The following RPS6KA1 variants were observed in gnomAD, a reference collection of about 807,000 sequenced individuals.
RPS6KA1 encodes ribosomal protein S6 kinase A1.
RPS6KA1 carries 48 observed loss-of-function variants against 91.3 expected under a neutral mutation model. That is an observed-to-expected ratio of 0.53 (90% CI 0.42 to 0.67). RPS6KA1 has a LOEUF of 0.67. Among genes scored for constraint, RPS6KA1 ranks in the 30% least tolerant of loss-of-function variants. The pLI is 0.00. For synonymous variants in RPS6KA1, 359 were observed against 384.7 expected, an observed-to-expected ratio of 0.93 and a Z score of 0.78; for missense variants, 719 against 960.5, an observed-to-expected ratio of 0.75 and a Z score of 3.32.
rs552585394 is a variant in RPS6KA1, at chr1:26,562,899, C to T, written c.1590+1236C>T. 1.5e-3 allele frequency among the ~76,000 whole-genome samples: 196 copies of T among 131,386 alleles called. 2 individuals are homozygous for T. Among genetic ancestry groups the T allele is most frequent in the Middle Eastern group, 4.8e-3 (1 of 210 alleles). 86.2% of individuals were successfully genotyped at this position (131,386 alleles called of 152,430 possible). A position where few individuals can be genotyped will look rare whatever the true frequency, so the allele number is the denominator to read the frequency against. On this transcript the variant is annotated intron_variant, in intron 17 of 21. Coordinates refer to ENST00000374168, the MANE Select transcript of RPS6KA1 (RefSeq NM_002953.4). ...TCGCCCAGGCTGGAGTGCAGTGGCACGATCTTGGCTCACTGCAACCTCTGC... is the reference window on the plus strand; with the variant it reads ...TCGCCCAGGCTGGAGTGCAGTGGCATGATCTTGGCTCACTGCAACCTCTGC...
intron 2 of RPS6KA1, chr1:26,545,816 G>T: frequency 7.0e-7 from 1 of 1,436,584 alleles, no homozygotes; most frequent in Non-Finnish European, 9.1e-7. Context: ...CCCTTACCCT[G>T]CACATCCGCC....
chr1:26,574,104 C>T lies in RPS6KA1; in HGVS notation c.2111C>T (p.Ala704Val). 6.2e-7 allele frequency: 1 copy of T among 1,614,174 alleles called. No homozygotes were observed. The highest frequency in any genetic ancestry group is 8.5e-7 in the Non-Finnish European group (1 of 1,180,030). The change falls in exon 22 of 22, where the codon GCA becomes GTA. Residue 704 changes from alanine to valine, a missense_variant. By Grantham distance (64) the Ala-to-Val change is moderately conservative. Around this residue, in one of 5 missense-constraint regions of RPS6KA1, gnomAD observed 249 missense variants for 323.1 expected, o/e 0.77. Transcript: ENST00000374168. This position sits in a 1 kb window ranked among gnomAD's most constrained non-coding sequence, Gnocchi z 4.3. ...GGAGCCATGGCTGCCACGTACTCCG[C>T]ACTCAACAGCTCCAAGCCCACCCCC... ...VKGAMAATYSALNSSKPTPQL... is the reference protein window; with the variant it reads ...VKGAMAATYSVLNSSKPTPQL...
chr1:26,569,974 C>G (rs1009103508), intron 17 of RPS6KA1, among the ~76,000 whole-genome samples: 2 of 152,018 alleles, frequency 1.3e-5, no homozygotes, highest in Admixed American at 6.6e-5. Flanking sequence ...TTGACAATGC[C>G]CAGGGAGGTT....
At chr1:26,534,484 C>G (rs1372919033) in intron 1 of RPS6KA1, among the ~76,000 whole-genome samples, 6 of 152,016 alleles carry the variant, frequency 3.9e-5, no homozygotes, top group Non-Finnish European at 8.8e-5. Flanking sequence ...AGTGACAAGG[C>G]AGGAAAGGCT....
At position 26,547,123 on chromosome 1, in the gene RPS6KA1, G is replaced by T. The variant is rs943870414; in HGVS notation, c.226-66G>T. 137 of 1,577,592 alleles carry T rather than the reference G, an allele frequency of 8.7e-5. No homozygotes were observed. Among genetic ancestry groups the T allele is most frequent in the Non-Finnish European group, 6.5e-5 (75 of 1,147,688 alleles). ...AAAGGTCAGCTTGGGGCTCAGAGAAGATAGAGGTCAGCCTGGACTCAGACC... is the reference window on the plus strand; with the variant it reads ...AAAGGTCAGCTTGGGGCTCAGAGAATATAGAGGTCAGCCTGGACTCAGACC... On this transcript the variant is annotated intron_variant, in intron 3 of 21. Transcript: ENST00000374168. This position sits in a 1 kb window ranked among gnomAD's most constrained non-coding sequence, Gnocchi z 4.1.
In RPS6KA1 at chr1:26,556,644, G is replaced by C. The variant is rs372587776; in HGVS notation, c.917-10G>C. On this transcript the variant is annotated splice_polypyrimidine_tract_variant and intron_variant, in intron 11 of 21. Transcript: ENST00000374168. ...AGCCAGGGACAGACCCTTCATTTGGGCTCTTTCAGGCTCCGGCCCTGATGG... is the reference window on the plus strand; with the variant it reads ...AGCCAGGGACAGACCCTTCATTTGGCCTCTTTCAGGCTCCGGCCCTGATGG... 1.4e-5 allele frequency: 23 copies of C among 1,614,112 alleles called. No individual in the cohort carries two copies. Among genetic ancestry groups the C allele is most frequent in the Non-Finnish European group, 1.9e-5 (22 of 1,179,976 alleles).
chr1:26,531,065 C>T (rs2075863834), intron 1 of RPS6KA1, among the ~76,000 whole-genome samples: 2 of 152,100 alleles, frequency 1.3e-5, no homozygotes, highest in Admixed American at 1.3e-4. Flanking sequence ...ACCAAGTGTC[C>T]TGCCTCTCAG....
intron 11 of RPS6KA1, among the ~76,000 whole-genome samples, chr1:26,556,337 G>A (rs1013319063): frequency 2.6e-5 from 4 of 152,296 alleles, no homozygotes; most frequent in African/African-American, 7.2e-5. Flanking sequence ...GGAATGAGGT[G>A]GGGCTCTCTG....
intron 2 of RPS6KA1, among the ~76,000 whole-genome samples, chr1:26,537,714 G>A (rs988914032): frequency 2.6e-5 from 4 of 152,214 alleles, no homozygotes; most frequent in African/African-American, 9.6e-5. Flanking sequence ...AGGGTCTTTG[G>A]AAGCTGCTTA....
chr1:26,534,884 A>G (rs1015214369), intron 1 of RPS6KA1, among the ~76,000 whole-genome samples: 13 of 152,196 alleles, frequency 8.5e-5, no homozygotes, highest in African/African-American at 2.9e-4. Flanking sequence ...CTGGGACTTG[A>G]TTCTACAGGC....
At chr1:26,538,497 G>A (rs1421487374) in intron 2 of RPS6KA1, among the ~76,000 whole-genome samples, 1 of 152,186 alleles carries the variant, frequency 6.6e-6, no homozygotes, top group Non-Finnish European at 1.5e-5. Context: ...AGATCCTGGG[G>A]TAGGAAGAGA....
At chr1:26,548,447 A>G (rs1394544795) in intron 4 of RPS6KA1, among the ~76,000 whole-genome samples, 4 of 152,144 alleles carry the variant, frequency 2.6e-5, no homozygotes, top group Non-Finnish European at 4.4e-5. Flanking sequence ...TGTTTGAGGA[A>G]GGGGACCCTG....
intron 2 of RPS6KA1, among the ~76,000 whole-genome samples, chr1:26,544,552 G>A (rs1386743286): frequency 6.6e-6 from 1 of 151,330 alleles, no homozygotes; most frequent in Non-Finnish European, 1.5e-5. Flanking sequence ...TTGGCTCACT[G>A]CAGCCTCCCC....
At position 26,529,774 on chromosome 1, in the gene RPS6KA1, C is replaced by CGCGGCG. The variant is rs939548904; in HGVS notation, c.-136_-131dup. On this transcript the variant is annotated 5_prime_UTR_variant, in exon 1 of 22. Coordinates refer to ENST00000374168, the MANE Select transcript of RPS6KA1 (RefSeq NM_002953.4). The surrounding 1 kb of genome is among the most constrained non-coding windows in gnomAD (Gnocchi z 4.2). ...ACGGAGGGAGCCGAAGTGCTAGTGC[C>CGCGGCG]GCGGCGGCGGCGGCGGACGGCCCAG... 3.5e-5 allele frequency: 14 copies of CGCGGCG among 405,584 alleles called. No homozygotes were observed. The East Asian group carries it at 5.4e-4, about 16-fold the overall frequency. 25.1% of individuals were successfully genotyped at this position (405,584 alleles called of 1,614,324 possible). A position where few individuals can be genotyped will look rare whatever the true frequency, so the allele number is the denominator to read the frequency against.
rs139336757 is a variant in RPS6KA1, at chr1:26,544,291, C to T, written c.109-2576C>T. On this transcript the variant is annotated intron_variant, in intron 2 of 21. Transcript: ENST00000374168. ...TCTCCACTTGATAAGTGCCTGACTTCACCTTTTGGGTACATGTCACATGTT... is the reference window on the plus strand; with the variant it reads ...TCTCCACTTGATAAGTGCCTGACTTTACCTTTTGGGTACATGTCACATGTT... 1,348 of 443,682 alleles carry T rather than the reference C, an allele frequency of 3.0e-3. 13 individuals are homozygous for T. Among genetic ancestry groups the T allele is most frequent in the East Asian group, 0.01 (145 of 14,180 alleles). The allele number at this position is 443,682 out of a possible 1,614,324, so 27.5% of individuals were successfully genotyped here.
chr1:26,574,018 T>C lies in RPS6KA1; in HGVS notation c.2086-61T>C. ...GAGGGGCTGGCCTACCCTTGGGGCA[T>C]GGATCCCCTCCCCGCTACATCTCCC... On this transcript the variant is annotated intron_variant, in intron 21 of 21. Transcript: ENST00000374168. This position sits in a 1 kb window ranked among gnomAD's most constrained non-coding sequence, Gnocchi z 4.3. The C allele has an allele frequency of 6.3e-7, 1 of 1,575,142 alleles. No homozygotes were observed.
chr1:26,560,015 G>A (rs938376714), intron 14 of RPS6KA1, among the ~76,000 whole-genome samples: 7 of 152,104 alleles, frequency 4.6e-5, no homozygotes, highest in Non-Finnish European at 8.8e-5. Context: ...AGCTGAGAAC[G>A]TACCACTGCA....
chr1:26,545,846 C>T lies in RPS6KA1; in HGVS notation c.109-1021C>T, dbSNP rs931995942. 1.0e-5 allele frequency: 15 copies of T among 1,499,710 alleles called. No homozygotes were observed. The Admixed American group carries it at 1.1e-4, about 11-fold the overall frequency. The allele number at this position is 1,499,710 out of a possible 1,614,324, so 92.9% of individuals were successfully genotyped here. On this transcript the variant is annotated intron_variant, in intron 2 of 21. Transcript: ENST00000374168. ...TCCGCCTTGGTCCCGGCCACCACTG[C>T]GGCAGCCCCGGACTCTGCCTGCTCC...
chr1:26,573,799 G>A (rs563188732), intron 21 of RPS6KA1, among the ~76,000 whole-genome samples: 1 of 152,258 alleles, frequency 6.6e-6, no homozygotes, highest in Admixed American at 6.5e-5. Context: ...TTAGCCAGGT[G>A]TGGTGGCAAG....
Sources: allele counts gnomAD v4.1 joint callset (sites outside exome capture counted in the v4.1 genomes callset), GRCh38; gene constraint gnomAD v4.1.1; regional missense constraint gnomAD v4.1.1; non-coding constraint Gnocchi (gnomAD v3.1); transcripts MANE v1.5; gene names NCBI Gene and HGNC (gene_info 2026-07-23, HGNC 2026-07-21).